Variants in CBFB observed in about 807,000 individuals in gnomAD.
CBFB encodes core-binding factor subunit beta, also known as CBF-beta.
Under a neutral mutation model 30.4 loss-of-function variants are expected in CBFB, and 9 were observed. The ratio of observed to expected loss-of-function variants is 0.30; its 90% confidence interval spans 0.18 to 0.52. The LOEUF (loss-of-function observed/expected upper bound fraction) is 0.52. Ranked by LOEUF, CBFB falls within the 20% of genes least tolerant of loss-of-function variation. The pLI, the probability that CBFB is intolerant of heterozygous loss-of-function variation, is 0.97. For synonymous variants in CBFB, 94 were observed against 84.0 expected (o/e 1.12, Z -0.65); for missense variants, 170 against 244.0 (o/e 0.70, Z 2.02).
chr16:67,055,948 A>G (rs984919893), intron 3 of CBFB, among the ~76,000 whole-genome samples: 7 of 152,208 alleles, frequency 4.6e-5, no homozygotes, highest in African/African-American at 1.7e-4. Flanking sequence ...AGCAAGCGAC[A>G]GGGTACATAC....
At chr16:67,032,936 A>G (rs1484023375) in intron 2 of CBFB, among the ~76,000 whole-genome samples, 1 of 151,908 alleles carries the variant, frequency 6.6e-6, no homozygotes, top group African/African-American at 2.4e-5. Context: ...GTGCAGTGGC[A>G]TGATCTTGGC....
At chr16:67,078,783 G>C (rs1961476093) in intron 4 of CBFB, among the ~76,000 whole-genome samples, 1 of 152,136 alleles carries the variant, frequency 6.6e-6, no homozygotes, top group Non-Finnish European at 1.5e-5. Flanking sequence ...CCGAGTAGCT[G>C]GGATTACAGG....
At chr16:67,060,151 A>T (rs572354473) in intron 3 of CBFB, among the ~76,000 whole-genome samples, 1 of 151,918 alleles carries the variant, frequency 6.6e-6, no homozygotes, top group South Asian at 2.1e-4. Flanking sequence ...CTAATTTTTT[A>T]AAATTTTTGT....
intron 3 of CBFB, among the ~76,000 whole-genome samples, chr16:67,055,357 CTTTTTTTT>C (rs1163773529): frequency 1.4e-3 from 116 of 81,464 alleles, no homozygotes; most frequent in East Asian, 8.1e-3. Flanking sequence ...CAGACACTTT[CTTTTTTTT>C]TTTTTTTTTT....
chr16:67,035,324 G>T (rs1178110855), intron 2 of CBFB, among the ~76,000 whole-genome samples: 1 of 152,068 alleles, frequency 6.6e-6, no homozygotes, highest in South Asian at 2.1e-4. Context: ...ACCTCAGATG[G>T]TCTACCTGCC....
chr16:67,035,472 A>C (rs1039320692), intron 2 of CBFB, among the ~76,000 whole-genome samples: 3 of 152,208 alleles, frequency 2.0e-5, no homozygotes, highest in Non-Finnish European at 4.4e-5. Flanking sequence ...ATGGTACCCC[A>C]GTTGATTAGG....
In CBFB at chr16:67,070,086, TAAC is replaced by T. The variant is rs1326403427; in HGVS notation, c.399+3290_399+3292del. Among the ~76,000 whole-genome samples, 13 of 152,306 alleles carry T rather than the reference TAAC, an allele frequency of 8.5e-5. 1 individual carries two copies. Among genetic ancestry groups the T allele is most frequent in the East Asian group, 3.8e-4 (2 of 5,196 alleles). Reference sequence around the variant, plus strand: ...ATTAACCTTAATAAAGTTAAAATAATAACAGGAACATAAAGAAACTCTTTGTTT... The same window carrying T: ...ATTAACCTTAATAAAGTTAAAATAATAGGAACATAAAGAAACTCTTTGTTT... On this transcript the variant is annotated intron_variant, in intron 4 of 5. Coordinates refer to ENST00000412916, the MANE Select transcript of CBFB (RefSeq NM_022845.3).
intron 4 of CBFB, among the ~76,000 whole-genome samples, chr16:67,075,650 A>G (rs951017450): frequency 4.6e-5 from 7 of 152,208 alleles, no homozygotes; most frequent in Admixed American, 1.3e-4. Flanking sequence ...ATTCATCACA[A>G]AATATGTGCT....
At chr16:67,081,390 C>T (rs958966812) in intron 4 of CBFB, among the ~76,000 whole-genome samples, 1 of 151,764 alleles carries the variant, frequency 6.6e-6, no homozygotes, top group Non-Finnish European at 1.5e-5. Context: ...GCACTGTTCA[C>T]AATAGCAAAG....
intron 3 of CBFB, among the ~76,000 whole-genome samples, chr16:67,050,519 G>A (rs1662291052): frequency 6.6e-6 from 1 of 152,074 alleles, no homozygotes; most frequent in Non-Finnish European, 1.5e-5. Flanking sequence ...ACGTGGCCGG[G>A]CAAGGCTGCT....
intron 2 of CBFB, among the ~76,000 whole-genome samples, chr16:67,035,243 C>G (rs529890609): frequency 6.6e-6 from 1 of 152,186 alleles, no homozygotes; most frequent in Non-Finnish European, 1.5e-5. Flanking sequence ...GCCACCATGC[C>G]CAGCTAATTT....
At chr16:67,069,325 G>A (rs1439090472) in intron 4 of CBFB, among the ~76,000 whole-genome samples, 3 of 151,278 alleles carry the variant, frequency 2.0e-5, no homozygotes, top group East Asian at 1.9e-4. Flanking sequence ...AGCCAAGATC[G>A]CATCACTGCA....
At chr16:67,088,889 A>C (rs1961803687) in intron 5 of CBFB, among the ~76,000 whole-genome samples, 1 of 152,180 alleles carries the variant, frequency 6.6e-6, no homozygotes. Flanking sequence ...AAGATTACTA[A>C]GGGGGGAAGC....
At chr16:67,039,600 G>A (rs754114971) in intron 3 of CBFB, among the ~76,000 whole-genome samples, 2 of 152,126 alleles carry the variant, frequency 1.3e-5, no homozygotes, top group Non-Finnish European at 2.9e-5. Context: ...AGGCTGTAAC[G>A]TTGTTAAAGC....
intron 5 of CBFB, 106 bp downstream of exon 5, chr16:67,082,414 G>A: frequency 7.3e-7 from 1 of 1,373,330 alleles, no homozygotes; most frequent in African/African-American, 1.5e-5. Flanking sequence ...GTTTAATTTT[G>A]TCTTTCATTT....
chr16:67,080,228 C>CGATGGCTGTGTGGTAGATTGGGTT (rs547193110), intron 4 of CBFB, among the ~76,000 whole-genome samples: 2,307 of 152,230 alleles, frequency 0.015, 29 homozygotes, highest in Non-Finnish European at 0.019. Flanking sequence ...AGGCATACTC[C>CGATGGCTGTGTGGTAGATTGGGTT]GATGGCTGTG....
At position 67,097,655 on chromosome 16, in the gene CBFB, A is replaced by C. The variant is rs1056188395; in HGVS notation, c.496-1055A>C. Among the ~76,000 whole-genome samples the C allele has an allele frequency of 3.3e-5, 5 of 152,166 alleles. No homozygotes were observed. In the East Asian group the frequency reaches 7.7e-4, roughly 23 times the overall value. ...TACTTTATCCATAATAAAGTGCTAC[A>C]TTTTTCAGTCATATAATTAGTAGAA... On this transcript the variant is annotated intron_variant, in intron 5 of 5. Coordinates refer to ENST00000412916, the MANE Select transcript of CBFB (RefSeq NM_022845.3).
chr16:67,032,319 G>T (rs138249942), intron 2 of CBFB, among the ~76,000 whole-genome samples: 4,017 of 152,046 alleles, frequency 0.026, 176 homozygotes, highest in African/African-American at 0.091. Flanking sequence ...AGTGAGACCC[G>T]GTCTCCAAAA....
At chr16:67,041,768 CTTT>C (rs140180530) in intron 3 of CBFB, among the ~76,000 whole-genome samples, 3 of 98,894 alleles carry the variant, frequency 3.0e-5, no homozygotes, top group Non-Finnish European at 2.1e-5. Context: ...TGTTTCTTTA[CTTT>C]TTTTTTTTTT....
Sources: gnomAD v4.1 joint callset for allele counts (sites outside exome capture counted in the v4.1 genomes callset) on GRCh38, gnomAD v4.1.1 for gene constraint, MANE v1.5 for transcripts, NCBI Gene and HGNC (gene_info 2026-07-23, HGNC 2026-07-21) for gene names.